The following SHROOM2 variants were observed in gnomAD, a reference collection of about 807,000 sequenced individuals.
SHROOM2 encodes the protein shroom family member 2.
In SHROOM2, 33 loss-of-function variants were observed where a neutral mutation model predicts 75.9. The observed-to-expected ratio is 0.43, with a 90% confidence interval of 0.33 to 0.58. The LOEUF (loss-of-function observed/expected upper bound fraction) is 0.58. SHROOM2 is among the 20% of genes least tolerant of loss of function. SHROOM2 has a pLI of 0.04. For missense variants in SHROOM2, 1,434 were observed against 1,461.2 expected, an observed-to-expected ratio of 0.98 and a Z score of 0.30; for synonymous variants, 655 against 663.6, an observed-to-expected ratio of 0.99 and a Z score of 0.20.
intron 4 of SHROOM2, 122 bp from the exon 5 acceptor site, chrX:9,898,068 A>G (rs890443688): frequency 1.8e-6 from 1 of 567,532 alleles, no homozygotes; most frequent in Non-Finnish European, 3.1e-6. Context: ...CAGTCATCTC[A>G]ATGAAATGCT....
chrX:9,938,256 A>T (rs777938564), intron 7 of SHROOM2, among the ~76,000 whole-genome samples: 7 of 112,519 alleles, frequency 6.2e-5, no homozygotes, highest in Admixed American at 5.6e-4. Context: ...CATTTAAAAA[A>T]TTTATTATAA....
intron 8 of SHROOM2, among the ~76,000 whole-genome samples, chrX:9,943,165 G>T (rs2084787016): frequency 9.1e-6 from 1 of 109,862 alleles, no homozygotes; most frequent in South Asian, 3.9e-4. Context: ...GGTCACTGCT[G>T]CAGTGAGTGG....
At chrX:9,891,902 T>TGC (rs1195279726) in intron 3 of SHROOM2, among the ~76,000 whole-genome samples, 1 of 108,609 alleles carries the variant, frequency 9.2e-6, no homozygotes, top group East Asian at 2.9e-4. Flanking sequence ...TGCGCGTGCG[T>TGC]GCACACGCAG....
At chrX:9,855,097 A>C (rs1482048406) in intron 1 of SHROOM2, among the ~76,000 whole-genome samples, 2 of 106,286 alleles carry the variant, frequency 1.9e-5, no homozygotes, top group Admixed American at 2.1e-4. Flanking sequence ...AGGCATCCTC[A>C]TTGTTCAACT....
At position 9,937,154 on chromosome X, in the gene SHROOM2, A is replaced by G. The variant is rs376695556; in HGVS notation, c.3608A>G (p.Asn1203Ser). The change falls in exon 7 of 10, where the codon AAC becomes AGC. Residue 1203 changes from asparagine to serine, a missense_variant. Around this residue, in one of 3 missense-constraint regions of SHROOM2, gnomAD observed 1,340 missense variants for 1,338.3 expected, o/e 1.00. Transcript: ENST00000380913. ...TCCAGAATTGAGCGGGTGATGGACA[A>G]CAACACCACGGTGAAGATGGTGCCC... is the stretch of plus-strand genomic sequence containing the variant. ...DSTRIERVMD[N>S]NTTVKMVPIK... 5.9e-6 allele frequency: 7 copies of G among 1,196,348 alleles called. No homozygotes were observed. The highest frequency in any genetic ancestry group is 3.0e-5 in the East Asian group (1 of 33,172).
At chrX:9,810,734 G>A (rs953286752) in intron 1 of SHROOM2, among the ~76,000 whole-genome samples, 3 of 110,608 alleles carry the variant, frequency 2.7e-5, no homozygotes, top group Non-Finnish European at 5.7e-5. Flanking sequence ...GGCTATGGGA[G>A]AAACAGTACC....
intron 8 of SHROOM2, among the ~76,000 whole-genome samples, chrX:9,940,272 T>C (rs1451773467): frequency 4.5e-5 from 5 of 111,937 alleles, no homozygotes; most frequent in African/African-American, 1.6e-4. Flanking sequence ...ACCAGGAAAA[T>C]CATACCATCT....
intron 1 of SHROOM2, among the ~76,000 whole-genome samples, chrX:9,789,998 A>G (rs1260903870): frequency 8.9e-6 from 1 of 112,138 alleles, no homozygotes; most frequent in Non-Finnish European, 1.9e-5. Context: ...CACCCACCCC[A>G]GGGCTTCAGA....
chrX:9,819,259 T>C, intron 1 of SHROOM2: 1 of 741,850 alleles, frequency 1.3e-6, no homozygotes, highest in East Asian at 3.2e-5. Flanking sequence ...TGCAGCTTAT[T>C]GGCCTCCTGA....
chrX:9,808,861 CAAA>C (rs1330773077), intron 1 of SHROOM2, among the ~76,000 whole-genome samples: 1 of 107,609 alleles, frequency 9.3e-6, no homozygotes. Context: ...AACTTCGTCT[CAAA>C]AAAAAAATAA....
intron 2 of SHROOM2, among the ~76,000 whole-genome samples, chrX:9,879,460 C>A (rs2084219624): frequency 9.0e-6 from 1 of 111,011 alleles, no homozygotes; most frequent in African/African-American, 3.3e-5. Context: ...GGGGTTGCGC[C>A]ATGTTGGCCA....
chrX:9,928,358 C>T (rs2084615150), intron 5 of SHROOM2, among the ~76,000 whole-genome samples: 1 of 112,549 alleles, frequency 8.9e-6, no homozygotes, highest in South Asian at 3.6e-4. Flanking sequence ...AGTGCAGCTG[C>T]CTTTGAAATG....
At position 9,873,752 on chromosome X, in the gene SHROOM2, C is replaced by T. The variant is rs2084183793; in HGVS notation, c.266C>T (p.Ala89Val). 8.3e-7 allele frequency: 1 copy of T among 1,211,063 alleles called. No homozygotes were observed. Among genetic ancestry groups the T allele is most frequent in the Non-Finnish European group, 1.1e-6 (1 of 895,132 alleles). The change falls in exon 2 of 10, where the codon GCG becomes GTG. Residue 89 changes from alanine (A) to valine (V), a missense_variant. Transcript: ENST00000380913. ...GGTCTCTCAGGGTTTAGACAGGAAG[C>T]GATTTGCCTGGTGAAGGGGTCCCAT... ...DIGLSGFRQE[A>V]ICLVKGSHKT...
At chrX:9,814,911 G>C (rs1458180679) in intron 1 of SHROOM2, among the ~76,000 whole-genome samples, 1 of 111,569 alleles carries the variant, frequency 9.0e-6, no homozygotes, top group African/African-American at 3.3e-5. Context: ...CGCATGATAA[G>C]AGCATGTGTC....
At chrX:9,871,446 T>C (rs1189627935) in intron 1 of SHROOM2, among the ~76,000 whole-genome samples, 2 of 111,531 alleles carry the variant, frequency 1.8e-5, no homozygotes, top group African/African-American at 6.5e-5. Context: ...GGTCTCCCTC[T>C]TGGGGCATGT....
At chrX:9,876,945 C>T (rs2084203989) in intron 2 of SHROOM2, among the ~76,000 whole-genome samples, 1 of 112,379 alleles carries the variant, frequency 8.9e-6, no homozygotes, top group Non-Finnish European at 1.9e-5. Context: ...CGTGAGCCGT[C>T]GCACCTGGCC....
At chrX:9,832,865 T>G (rs184789249) in intron 1 of SHROOM2, among the ~76,000 whole-genome samples, 1 of 111,372 alleles carries the variant, frequency 9.0e-6, no homozygotes, top group Non-Finnish European at 1.9e-5. Flanking sequence ...TCTTGTTTTG[T>G]GTATAGGAAG....
At chrX:9,856,153 T>TA (rs2084069462) in intron 1 of SHROOM2, among the ~76,000 whole-genome samples, 1 of 109,859 alleles carries the variant, frequency 9.1e-6, no homozygotes, top group South Asian at 3.9e-4. Flanking sequence ...GTGTCTTGAT[T>TA]AGAGTGGCAT....
At chrX:9,857,810 A>C (rs1013426298) in intron 1 of SHROOM2, among the ~76,000 whole-genome samples, 4 of 110,976 alleles carry the variant, frequency 3.6e-5, no homozygotes, top group Admixed American at 1.9e-4. Flanking sequence ...AAATTCGTGC[A>C]TCCTGGCTGC....
Sources: allele counts gnomAD v4.1 joint callset (sites outside exome capture counted in the v4.1 genomes callset), GRCh38; gene constraint gnomAD v4.1.1; regional missense constraint gnomAD v4.1.1; transcripts MANE v1.5; gene names NCBI Gene and HGNC (gene_info 2026-07-23, HGNC 2026-07-21).